Variants in TP53BP1 observed in about 807,000 individuals in gnomAD.
TP53BP1 encodes the protein TP53-binding protein 1.
Under a neutral mutation model 200.8 loss-of-function variants are expected in TP53BP1, and 61 were observed. The ratio of observed to expected loss-of-function variants is 0.30; its 90% CI spans 0.25 to 0.38. TP53BP1 has a LOEUF of 0.38. TP53BP1 is among the 10% of genes least tolerant of loss of function. TP53BP1 has a pLI of 1.00. For missense variants in TP53BP1, 2,144 were observed against 2,371.9 expected (o/e 0.90, Z 2.00); for synonymous variants, 822 against 844.3 (o/e 0.97, Z 0.46).
In TP53BP1 at chr15:43,404,909, G is replaced by A. The variant is rs1388377924; in HGVS notation, c.*2474C>T. ...TCCCTAGCTTCCGCATCTGTGAAAG[G>A]AGGCGACCACCCCTTCTAACTCTAA... On this transcript the variant is annotated 3_prime_UTR_variant, in exon 28 of 28. Transcript: ENST00000382044. 1 of 501,518 alleles carries A rather than the reference G, an allele frequency of 2.0e-6. No individual in the cohort carries two copies. Among genetic ancestry groups the A allele is most frequent in the Non-Finnish European group, 3.5e-6 (1 of 283,714 alleles). 31.1% of individuals were successfully genotyped at this position (501,518 alleles called of 1,614,324 possible). A position where few individuals can be genotyped will look rare whatever the true frequency, so the allele number is the denominator to read the frequency against.
chr15:43,467,786 C>G (rs888003655), intron 11 of TP53BP1, among the ~76,000 whole-genome samples: 1 of 145,394 alleles, frequency 6.9e-6, no homozygotes, highest in African/African-American at 2.6e-5. Flanking sequence ...CATTCTTAAA[C>G]TCTTTTTTTT....
intron 11 of TP53BP1, among the ~76,000 whole-genome samples, chr15:43,457,833 A>C (rs757768501): frequency 6.6e-6 from 1 of 152,058 alleles, no homozygotes; most frequent in Non-Finnish European, 1.5e-5. Flanking sequence ...AGCCTGGCCA[A>C]CATGGCGAAA....
In TP53BP1 at chr15:43,404,408, T is replaced by A; in HGVS notation, c.*2975A>T. 1 of 1,614,126 alleles carries A rather than the reference T, an allele frequency of 6.2e-7. No individual in the cohort carries two copies. Among genetic ancestry groups the A allele is most frequent in the Non-Finnish European group, 8.5e-7 (1 of 1,180,004 alleles). Reference sequence around the variant, plus strand: ...GGAATGACAGCTGAGTCCTTCTCTCTGCAGGGCTTTAGCCGCCAGTCTTCA... The same window carrying A: ...GGAATGACAGCTGAGTCCTTCTCTCAGCAGGGCTTTAGCCGCCAGTCTTCA... On this transcript the variant is annotated 3_prime_UTR_variant, in exon 28 of 28. Transcript: ENST00000382044.
intron 17 of TP53BP1, among the ~76,000 whole-genome samples, chr15:43,430,765 G>A (rs142782231): frequency 2.6e-5 from 4 of 152,148 alleles, no homozygotes; most frequent in Admixed American, 6.5e-5. Flanking sequence ...TATAAATCAG[G>A]CACAGAAAGA....
At position 43,462,216 on chromosome 15, in the gene TP53BP1, C is replaced by CA. The variant is rs779088744; in HGVS notation, c.1390-4999dup. On this transcript the variant is annotated intron_variant, in intron 11 of 27. Transcript: ENST00000382044. ...ACACGTGGAGAGCGAGACTTCATCT[C>CA]AAAAAAAAAAAAAAAAAAAAAAAAA... 1.3e-3 allele frequency among the ~76,000 whole-genome samples: 46 copies of CA among 34,096 alleles called. 10 individuals are homozygous for CA. Among genetic ancestry groups the CA allele is most frequent in the Non-Finnish European group, 2.4e-3 (39 of 16,142 alleles). 22.4% of individuals were successfully genotyped at this position (34,096 alleles called of 152,430 possible). A position where few individuals can be genotyped will look rare whatever the true frequency, so the allele number is the denominator to read the frequency against.
At chr15:43,415,879 G>A (rs2045254958) in intron 22 of TP53BP1, 70 bp from the exon 23 acceptor site, 1 of 1,318,296 alleles carries the variant, frequency 7.6e-7, no homozygotes, top group East Asian at 2.3e-5. Context: ...AAGAAACTGG[G>A]CAGACCCTGA....
At chr15:43,510,215 C>T (rs1328265132) in intron 1 of TP53BP1, among the ~76,000 whole-genome samples, 1 of 152,014 alleles carries the variant, frequency 6.6e-6, no homozygotes, top group East Asian at 1.9e-4. Context: ...TGAGGGAGAC[C>T]CATCTCACTG....
At chr15:43,467,299 C>T (rs886992553) in intron 11 of TP53BP1, among the ~76,000 whole-genome samples, 1 of 151,916 alleles carries the variant, frequency 6.6e-6, no homozygotes, top group African/African-American at 2.4e-5. Flanking sequence ...CCTGGGCTCA[C>T]GTGATCCTCC....
chr15:43,410,842 C>CG (rs1418761802), intron 24 of TP53BP1, among the ~76,000 whole-genome samples: 4 of 152,174 alleles, frequency 2.6e-5, no homozygotes, highest in African/African-American at 9.7e-5. Context: ...CCACTTAGTT[C>CG]TGACTAGCCA....
At chr15:43,437,908 G>A (rs1023702993) in intron 16 of TP53BP1, among the ~76,000 whole-genome samples, 2 of 152,216 alleles carry the variant, frequency 1.3e-5, no homozygotes, top group African/African-American at 4.8e-5. Flanking sequence ...GGTTCTGAAT[G>A]CTGAAATGTC....
chr15:43,485,461 C>T (rs1425863576), intron 4 of TP53BP1, among the ~76,000 whole-genome samples: 1 of 150,916 alleles, frequency 6.6e-6, no homozygotes, highest in African/African-American at 2.5e-5. Flanking sequence ...CCTGTAGTCC[C>T]AGCTACTTGG....
intron 14 of TP53BP1, 75 bp downstream of exon 14, chr15:43,446,312 T>C: frequency 8.9e-7 from 1 of 1,126,044 alleles, no homozygotes; most frequent in Non-Finnish European, 1.3e-6. Context: ...GTATCAATTA[T>C]TATAACTAGA....
At position 43,447,474 on chromosome 15, in the gene TP53BP1, GA is replaced by G; in HGVS notation, c.2727del (p.His910IlefsTer14). The G allele has an allele frequency of 9.6e-7, 1 of 1,045,362 alleles. No individual in the cohort carries two copies. Among genetic ancestry groups the G allele is most frequent in the Non-Finnish European group, 1.3e-6 (1 of 794,544 alleles). 64.8% of individuals were successfully genotyped at this position (1,045,362 alleles called of 1,614,324 possible). On this transcript the variant is annotated frameshift_variant, in exon 13 of 28. Transcript: ENST00000382044. ...TCACCTTCTTTAGGCAAAGTGAAATGAAATGGGGTTTCTGAAAAAAAAAAAA... is the reference window on the plus strand; with the variant it reads ...TCACCTTCTTTAGGCAAAGTGAAATGAATGGGGTTTCTGAAAAAAAAAAAA... Reference protein sequence around the residue: ...SFCESSSETPFHFTLPKEGDI... With the variant: ...SFCESSSETPXHFTLPKEGDI...
intron 15 of TP53BP1, 24 bp from the exon 16 acceptor site, chr15:43,438,440 A>G (rs764636595): frequency 3.8e-6 from 6 of 1,570,692 alleles, no homozygotes; most frequent in Non-Finnish European, 5.2e-6. Context: ...TTAAAGCAAT[A>G]TATTGTTAAC....
At position 43,406,552 on chromosome 15, in the gene TP53BP1, A is replaced by C. The variant is rs750576051; in HGVS notation, c.*831T>G. On this transcript the variant is annotated 3_prime_UTR_variant, in exon 28 of 28. Coordinates refer to ENST00000382044, the MANE Select transcript of TP53BP1 (RefSeq NM_001141980.3). ...CAGCAAAGGCGAGTAGTTGTGATGG[A>C]TCAAATGGCCCACAAAGCCTGAAAT... 4.4e-6 allele frequency: 2 copies of C among 455,640 alleles called. No individual in the cohort carries two copies. Among genetic ancestry groups the C allele is most frequent in the South Asian group, 3.1e-5 (2 of 64,464 alleles). 28.2% of individuals were successfully genotyped at this position (455,640 alleles called of 1,614,324 possible). A position where few individuals can be genotyped will look rare whatever the true frequency, so the allele number is the denominator to read the frequency against.
At chr15:43,469,325 T>C (rs951998614) in intron 11 of TP53BP1, among the ~76,000 whole-genome samples, 4 of 152,176 alleles carry the variant, frequency 2.6e-5, no homozygotes, top group African/African-American at 9.7e-5. Flanking sequence ...CACATCTACT[T>C]AGAGAAATAA....
intron 23 of TP53BP1, among the ~76,000 whole-genome samples, chr15:43,413,786 GA>G (rs758315193): frequency 7.7e-4 from 104 of 134,548 alleles, no homozygotes; most frequent in South Asian, 7.1e-4. Flanking sequence ...GCAGCCTTTG[GA>G]AAAAAAAAAA....
At chr15:43,504,602 T>C (rs140296731) in intron 1 of TP53BP1, among the ~76,000 whole-genome samples, 187 of 152,122 alleles carry the variant, frequency 1.2e-3, no homozygotes, top group Non-Finnish European at 2.1e-3. Flanking sequence ...TAAAGGTAAA[T>C]AAATAAATCC....
chr15:43,432,825 T>C (rs2045703395), intron 16 of TP53BP1, 148 bp from the exon 17 acceptor site: 3 of 810,940 alleles, frequency 3.7e-6, no homozygotes, highest in African/African-American at 3.5e-5. Context: ...GAAAGTCAGG[T>C]AGTCAAGCAT....
Sources: allele counts gnomAD v4.1 joint callset (sites outside exome capture counted in the v4.1 genomes callset), GRCh38; gene constraint gnomAD v4.1.1; transcripts MANE v1.5; gene names NCBI Gene and HGNC (gene_info 2026-07-23, HGNC 2026-07-21).